RAD54L2: variants seen among roughly 807,000 people sequenced by gnomAD.
RAD54L2 encodes the protein RAD54 like 2.
A neutral mutation model predicts 138.4 loss-of-function variants in RAD54L2; 27 were observed. The ratio of observed to expected loss-of-function variants is 0.20; its 90% CI spans 0.14 to 0.27. The LOEUF is 0.27. Among genes scored for constraint, RAD54L2 ranks in the 10% least tolerant of loss-of-function variants. The probability of loss-of-function intolerance (pLI) is 1.00; values close to 1 mark genes in which losing one functional copy is unlikely to be tolerated. For synonymous variants in RAD54L2, 644 were observed against 723.2 expected, an observed-to-expected ratio of 0.89 and a Z score of 1.76; for missense variants, 1,396 against 1,890.2, an observed-to-expected ratio of 0.74 and a Z score of 4.85.
rs2106812643 is a variant in RAD54L2 at position 51,638,446 on chromosome 3, C to T, written c.1860+125C>T. The T allele has an allele frequency of 8.6e-7, 1 of 1,166,580 alleles. No individual in the cohort carries two copies. The highest frequency in any genetic ancestry group is 1.2e-6 in the Non-Finnish European group (1 of 826,830). 72.3% of individuals were successfully genotyped at this position (1,166,580 alleles called of 1,614,324 possible). ...AGTGAGAGGGGGCCACCTCAGTTCACTGCACTGGAGGTTTGGGGGCTCCAA... is the reference window on the plus strand; with the variant it reads ...AGTGAGAGGGGGCCACCTCAGTTCATTGCACTGGAGGTTTGGGGGCTCCAA... On this transcript the variant is annotated intron_variant, in intron 12 of 22. Transcript: ENST00000684192. This position sits in a 1 kb window ranked among gnomAD's most constrained non-coding sequence, Gnocchi z 4.3.
chr3:51,614,183 A>G (rs1700393816), intron 3 of RAD54L2, among the ~76,000 whole-genome samples: 2 of 151,698 alleles, frequency 1.3e-5, no homozygotes, highest in South Asian at 2.1e-4. Context: ...TTCTCTAGAA[A>G]CAGAGTTTTG....
At chr3:51,564,526 C>G (rs1196967976) in intron 2 of RAD54L2, among the ~76,000 whole-genome samples, 1 of 152,104 alleles carries the variant, frequency 6.6e-6, no homozygotes. Flanking sequence ...TGGGGTCTGC[C>G]CTTTCCTTTA....
At chr3:51,634,166 T>G in intron 9 of RAD54L2, 131 bp downstream of exon 9, 1 of 1,198,976 alleles carries the variant, frequency 8.3e-7, no homozygotes, top group Admixed American at 2.7e-5. Flanking sequence ...ATGTATCACT[T>G]TCTCTGTTCT....
rs562049585 is a variant in RAD54L2, at chr3:51,598,119, GTATA to G, written c.139+7572_139+7575del. Among the ~76,000 whole-genome samples, 7 of 146,176 alleles carry G rather than the reference GTATA, an allele frequency of 4.8e-5. No homozygotes were observed. In the East Asian group the frequency reaches 6.0e-4, roughly 13 times the overall value. On this transcript the variant is annotated intron_variant, in intron 3 of 22. Coordinates refer to ENST00000684192, the MANE Select transcript of RAD54L2 (RefSeq NM_015106.4). ...GATATATATATATATATGTGTGTGT[GTATA>G]TATATATATATGTGTGTATATATAT...
At chr3:51,609,363 T>C (rs1324376658) in intron 3 of RAD54L2, among the ~76,000 whole-genome samples, 10 of 152,228 alleles carry the variant, frequency 6.6e-5, no homozygotes, top group African/African-American at 2.4e-4. Flanking sequence ...TCCCTTCTCT[T>C]AGGCTGGGGT....
rs773796365 is a variant in RAD54L2 at position 51,662,825 on chromosome 3, G to A, written c.3809G>A (p.Arg1270Gln). Residue 1270 changes from arginine to glutamine, a missense_variant, in exon 23 of 23, where the codon CGG becomes CAG. Arg to Gln is a conservative substitution (Grantham distance 43). This residue lies in a region of RAD54L2 where 634 missense variants were observed against 711.2 expected (regional missense o/e 0.89). Transcript: ENST00000684192. The surrounding 1 kb of genome is among the most constrained non-coding windows in gnomAD (Gnocchi z 4.6). ...CCTGCTGCCCAGGAGTCATCCCGCC[G>A]GCGGTCCAGGAAGGGTCATCTGCCA... is the stretch of plus-strand genomic sequence containing the variant. ...TPPAAQESSRRRSRKGHLPAP... is the reference protein window; with the variant it reads ...TPPAAQESSRQRSRKGHLPAP... 2.1e-5 allele frequency: 34 copies of A among 1,612,066 alleles called. No individual in the cohort carries two copies. The highest frequency in any genetic ancestry group is 4.0e-5 in the African/African-American group (3 of 74,888).
At chr3:51,659,881 C>A in intron 21 of RAD54L2, 145 bp from the exon 22 acceptor site, 6 of 539,066 alleles carry the variant, frequency 1.1e-5, no homozygotes, top group African/African-American at 3.7e-5. Flanking sequence ...AGCTCAGTCA[C>A]CCCACTTCTT....
intron 2 of RAD54L2, among the ~76,000 whole-genome samples, chr3:51,556,427 T>G (rs1698967602): frequency 6.6e-6 from 1 of 152,050 alleles, no homozygotes; most frequent in Admixed American, 6.6e-5. Flanking sequence ...ACTTTTTATT[T>G]TGTAGAGACA....
At chr3:51,634,358 ATTTTTTTTTTT>A (rs61565460) in intron 9 of RAD54L2, among the ~76,000 whole-genome samples, 78 of 94,962 alleles carry the variant, frequency 8.2e-4, no homozygotes, top group Middle Eastern at 7.6e-3. Context: ...CCACTGTCTG[ATTTTTTTTTTT>A]TTTTTTTTTT....
intron 16 of RAD54L2, 75 bp downstream of exon 16, chr3:51,644,049 T>TC (rs758377840): frequency 8.5e-7 from 1 of 1,180,948 alleles, no homozygotes; most frequent in Non-Finnish European, 1.2e-6. Flanking sequence ...ACCCCAAAAC[T>TC]CCAAGTTCCC....
At chr3:51,615,393 C>A (rs1284848551) in intron 3 of RAD54L2, among the ~76,000 whole-genome samples, 1 of 152,166 alleles carries the variant, frequency 6.6e-6, no homozygotes, top group Non-Finnish European at 1.5e-5. Context: ...GCGTGGTCCA[C>A]AGAGAATATC....
chr3:51,625,965 T>C lies in RAD54L2; in HGVS notation c.140-1588T>C, dbSNP rs1171856004. 3.3e-5 allele frequency among the ~76,000 whole-genome samples: 5 copies of C among 151,972 alleles called. No individual in the cohort carries two copies. The East Asian group carries it at 9.6e-4, about 29-fold the overall frequency. ...GGTGACATGACAGCTAAATGCAACA[T>C]AGTATCCTGGATGGGGTCCTGTAAC... is the stretch of plus-strand genomic sequence containing the variant. On this transcript the variant is annotated intron_variant, in intron 3 of 22. Coordinates refer to ENST00000684192, the MANE Select transcript of RAD54L2 (RefSeq NM_015106.4).
At position 51,627,491 on chromosome 3, in the gene RAD54L2, T is replaced by G. The variant is rs1003767906; in HGVS notation, c.140-62T>G. The G allele has an allele frequency of 4.7e-6, 7 of 1,475,786 alleles. No homozygotes were observed. In the African/African-American group the frequency reaches 9.8e-5, roughly 21 times the overall value. 91.4% of individuals were successfully genotyped at this position (1,475,786 alleles called of 1,614,324 possible). A position where few individuals can be genotyped will look rare whatever the true frequency, so the allele number is the denominator to read the frequency against. On this transcript the variant is annotated intron_variant, in intron 3 of 22. Coordinates refer to ENST00000684192, the MANE Select transcript of RAD54L2 (RefSeq NM_015106.4). ...GTTGAGATTTGAACCCAGGTGTGTC[T>G]GTCATCCAGACTCATTCCCCCTCAC...
At chr3:51,540,850 G>GA (rs1698531411) in intron 1 of RAD54L2, among the ~76,000 whole-genome samples, 1 of 152,032 alleles carries the variant, frequency 6.6e-6, no homozygotes, top group South Asian at 2.1e-4. Context: ...TCAGGAGATT[G>GA]AGCCTGCATG....
At chr3:51,565,441 T>G in intron 2 of RAD54L2, among the ~76,000 whole-genome samples, 1 of 152,164 alleles carries the variant, frequency 6.6e-6, no homozygotes, top group South Asian at 2.1e-4. Context: ...GTTTATATAC[T>G]TGTAGGTAGT....
At chr3:51,547,108 A>G (rs1553672468) in intron 2 of RAD54L2, among the ~76,000 whole-genome samples, 1 of 152,058 alleles carries the variant, frequency 6.6e-6, no homozygotes, top group Non-Finnish European at 1.5e-5. Context: ...GCACTTTGGG[A>G]GGCTGAGGTG....
At chr3:51,558,117 ATTAC>A (rs1699015583) in intron 2 of RAD54L2, among the ~76,000 whole-genome samples, 1 of 152,064 alleles carries the variant, frequency 6.6e-6, no homozygotes, top group South Asian at 2.1e-4. Flanking sequence ...AAGGGCTGGG[ATTAC>A]AGGTGTGAGC....
chr3:51,543,767 T>C (rs1698618128), intron 2 of RAD54L2, among the ~76,000 whole-genome samples: 1 of 152,172 alleles, frequency 6.6e-6, no homozygotes, highest in African/African-American at 2.4e-5. Flanking sequence ...CTCTGGCACG[T>C]GAGGCTCAGT....
Position 51,637,125 on chromosome 3 carries a change from G to T in RAD54L2, c.1340-36G>T. On this transcript the variant is annotated intron_variant, in intron 10 of 22. Coordinates refer to ENST00000684192, the MANE Select transcript of RAD54L2 (RefSeq NM_015106.4). This position sits in a 1 kb window ranked among gnomAD's most constrained non-coding sequence, Gnocchi z 5.9. The stretch of plus-strand genomic sequence containing the variant: ...ATATTATTGACTAAGAGCAGGCCCT[G>T]TCACCCTCTGACTCCGGATCCTCTT... 1 of 1,529,950 alleles carries T rather than the reference G, an allele frequency of 6.5e-7. No individual in the cohort carries two copies. Among genetic ancestry groups the T allele is most frequent in the South Asian group, 1.2e-5 (1 of 83,702 alleles). 94.8% of individuals were successfully genotyped at this position (1,529,950 alleles called of 1,614,324 possible).
Sources: allele counts gnomAD v4.1 joint callset (sites outside exome capture counted in the v4.1 genomes callset), GRCh38; gene constraint gnomAD v4.1.1; regional missense constraint gnomAD v4.1.1; non-coding constraint Gnocchi (gnomAD v3.1); transcripts MANE v1.5; gene names NCBI Gene and HGNC (gene_info 2026-07-23, HGNC 2026-07-21).